The following ATOSB variants were observed in gnomAD, a reference collection of about 807,000 sequenced individuals.
ATOSB encodes the protein atos homolog B.
the ATOSB span, chr9:35,106,768 G>A: frequency 6.5e-7 from 1 of 1,531,828 alleles, no homozygotes; most frequent in South Asian, 1.2e-5. This position sits in a 1 kb window ranked among gnomAD's most constrained non-coding sequence, Gnocchi z 4.6. Flanking sequence ...CTCGGATGCT[G>A]GAAAGAGTAC....
At chr9:35,109,739 C>G in the ATOSB span, 1 of 152,368 alleles carries the variant, frequency 6.6e-6, no homozygotes, top group Non-Finnish European at 1.5e-5. Context: ...CCATAAGCAT[C>G]TCTCCCTTCT....
chr9:35,111,643 G>GCCACGCCCC, the ATOSB span: 3 of 136,570 alleles, frequency 2.2e-5, no homozygotes, highest in Non-Finnish European at 4.7e-5. Flanking sequence ...GGCCACGGCC[G>GCCACGCCCC]CCACGCCCCC....
chr9:35,106,160 G>A, the ATOSB span: 5 of 1,563,062 alleles, frequency 3.2e-6, no homozygotes, highest in Non-Finnish European at 4.4e-6. This position sits in a 1 kb window ranked among gnomAD's most constrained non-coding sequence, Gnocchi z 4.6. Context: ...TCTAGGTGAG[G>A]AATAAGTAAG....
the ATOSB span, chr9:35,106,649 A>G: frequency 6.5e-7 from 1 of 1,546,826 alleles, no homozygotes; most frequent in African/African-American, 1.4e-5. The surrounding 1 kb of genome is among the most constrained non-coding windows in gnomAD (Gnocchi z 4.6). Context: ...GGCTCCTGGT[A>G]GAGGAAGGGA....
the ATOSB span, among the ~76,000 whole-genome samples, chr9:35,111,963 ATAC>A: frequency 1.8e-4 from 27 of 152,166 alleles, no homozygotes; most frequent in Admixed American, 3.3e-4. Context: ...GGCTTTAAAG[ATAC>A]GGTTTGACAA....
chr9:35,111,770 A>G, the ATOSB span, among the ~76,000 whole-genome samples: 6 of 152,278 alleles, frequency 3.9e-5, no homozygotes, highest in South Asian at 2.1e-4. Context: ...CTATTGGTCC[A>G]TAAGGGGGTA....
chr9:35,108,534 G>T, the ATOSB span: 1 of 1,227,362 alleles, frequency 8.1e-7, no homozygotes, highest in Non-Finnish European at 1.0e-6. Flanking sequence ...CTGAGAGGGT[G>T]ACAGGTTTAG....
At chr9:35,114,319 G>T in the ATOSB span, among the ~76,000 whole-genome samples, 279 of 152,184 alleles carry the variant, frequency 1.8e-3, no homozygotes, top group African/African-American at 6.1e-3. Context: ...TCCTCAAAAG[G>T]CTTCAGCCTG....
At chr9:35,106,368 C>T in the ATOSB span, 1 of 1,614,194 alleles carries the variant, frequency 6.2e-7, no homozygotes, top group Non-Finnish European at 8.5e-7. This position sits in a 1 kb window ranked among gnomAD's most constrained non-coding sequence, Gnocchi z 4.6. Flanking sequence ...GTGAAGCCCT[C>T]AATGTGGCCA....
the ATOSB span, among the ~76,000 whole-genome samples, chr9:35,115,024 A>G: frequency 0.017 from 2,388 of 139,534 alleles, 32 homozygotes; most frequent in East Asian, 0.039. Context: ...AAATGAGCAC[A>G]CCCAGAGCAT....
At chr9:35,107,762 C>T in the ATOSB span, 12 of 1,566,328 alleles carry the variant, frequency 7.7e-6, no homozygotes, top group Non-Finnish European at 1.0e-5. Context: ...GGGACTCCCC[C>T]AGGGACCCCT....
At chr9:35,107,776 C>G in the ATOSB span, 2 of 1,562,994 alleles carry the variant, frequency 1.3e-6, no homozygotes, top group Non-Finnish European at 1.7e-6. Context: ...GACCCCTGTC[C>G]CCCTGGATCT....
At chr9:35,105,473 C>T in the ATOSB span, 1 of 1,432,914 alleles carries the variant, frequency 7.0e-7, no homozygotes, top group Admixed American at 2.2e-5. This position sits in a 1 kb window ranked among gnomAD's most constrained non-coding sequence, Gnocchi z 5.5. Flanking sequence ...GGGAGGACTG[C>T]TTGAGCCCAG....
the ATOSB span, among the ~76,000 whole-genome samples, chr9:35,114,794 G>A: frequency 6.6e-6 from 1 of 152,158 alleles, no homozygotes; most frequent in Non-Finnish European, 1.5e-5. Context: ...TACCCAGAAG[G>A]ATAAGGGTGG....
chr9:35,108,300 C>T, the ATOSB span: 1 of 1,517,866 alleles, frequency 6.6e-7, no homozygotes, highest in Non-Finnish European at 8.8e-7. Context: ...TCAGGGGGGC[C>T]CCCCAACACG....
the ATOSB span, chr9:35,106,669 G>T: frequency 2.0e-6 from 3 of 1,524,092 alleles, no homozygotes; most frequent in African/African-American, 1.4e-5. The surrounding 1 kb of genome is among the most constrained non-coding windows in gnomAD (Gnocchi z 4.6). Flanking sequence ...AAACACAGGG[G>T]GTTGGCTTGA....
chr9:35,114,703 G>A, the ATOSB span, among the ~76,000 whole-genome samples: 2 of 152,114 alleles, frequency 1.3e-5, no homozygotes, highest in African/African-American at 2.4e-5. Flanking sequence ...GCTTACAGTC[G>A]TGGCCCACCT....
the ATOSB span, chr9:35,106,060 G>T: frequency 1.9e-6 from 3 of 1,573,284 alleles, no homozygotes; most frequent in Non-Finnish European, 2.6e-6. This position sits in a 1 kb window ranked among gnomAD's most constrained non-coding sequence, Gnocchi z 4.6. Context: ...AAAACCCTGG[G>T]CCCTAAACAC....
At chr9:35,108,432 G>T in the ATOSB span, 1 of 1,393,218 alleles carries the variant, frequency 7.2e-7, no homozygotes, top group Non-Finnish European at 9.3e-7. Context: ...CCCTCTCCTT[G>T]CCTAAAGGGG....
Sources: allele counts gnomAD v4.1 joint callset (sites outside exome capture counted in the v4.1 genomes callset), GRCh38; gene constraint gnomAD v4.1.1; non-coding constraint Gnocchi (gnomAD v3.1); transcripts MANE v1.5; gene names NCBI Gene and HGNC (gene_info 2026-07-23, HGNC 2026-07-21).